Variants in PIK3C3 observed in about 807,000 individuals in gnomAD.
PIK3C3 encodes phosphatidylinositol 3-kinase catalytic subunit type 3.
Under a neutral mutation model 126.1 loss-of-function variants are expected in PIK3C3, and 95 were observed. The ratio of observed to expected loss-of-function variants is 0.75; its 90% CI spans 0.64 to 0.89. The LOEUF is 0.89. Among genes scored for constraint, PIK3C3 ranks in the 40% least tolerant of loss-of-function variants. The pLI is 0.00. For synonymous variants in PIK3C3, 374 were observed against 360.0 expected, an observed-to-expected ratio of 1.04 and a Z score of -0.44; for missense variants, 829 against 1,063.2, an observed-to-expected ratio of 0.78 and a Z score of 3.06.
chr18:41,987,914 CTTTTA>C lies in PIK3C3; in HGVS notation c.618+22_618+26del. ...GATAAATGAGGTGGGTTATATCACT[CTTTTA>C]TTTTAAAATATTTTCTGTAAATTTT... On this transcript the variant is annotated intron_variant, in intron 5 of 24. Coordinates refer to ENST00000262039, the MANE Select transcript of PIK3C3 (RefSeq NM_002647.4). 1 of 1,376,964 alleles carries C rather than the reference CTTTTA, an allele frequency of 7.3e-7. No individual in the cohort carries two copies. The highest frequency in any genetic ancestry group is 1.4e-5 in the South Asian group (1 of 73,920). 85.3% of individuals were successfully genotyped at this position (1,376,964 alleles called of 1,614,324 possible). A position where few individuals can be genotyped will look rare whatever the true frequency, so the allele number is the denominator to read the frequency against.
chr18:42,028,192 T>G (rs1359621086), intron 14 of PIK3C3, among the ~76,000 whole-genome samples: 5 of 152,246 alleles, frequency 3.3e-5, no homozygotes, highest in Non-Finnish European at 2.9e-5. Flanking sequence ...GTTTTCTTGA[T>G]CCCTAATTTA....
At chr18:42,024,440 T>A (rs1983462088) in intron 13 of PIK3C3, among the ~76,000 whole-genome samples, 2 of 148,592 alleles carry the variant, frequency 1.3e-5, no homozygotes, top group East Asian at 3.9e-4. Context: ...CTTGAATGAT[T>A]TTTTTTTTTT....
chr18:42,079,970 TG>T (rs1986182796), intron 24 of PIK3C3, among the ~76,000 whole-genome samples: 1 of 140,984 alleles, frequency 7.1e-6, no homozygotes, highest in Non-Finnish European at 1.6e-5. Context: ...TGTGTGTGTG[TG>T]TGTGTGTGTG....
chr18:42,079,642 G>A (rs548582018), intron 24 of PIK3C3, among the ~76,000 whole-genome samples: 2 of 152,084 alleles, frequency 1.3e-5, no homozygotes, highest in Non-Finnish European at 2.9e-5. Context: ...ATAAAACAAG[G>A]TATGCTGGTA....
At chr18:41,963,452 G>A (rs868033927) in intron 3 of PIK3C3, among the ~76,000 whole-genome samples, 1 of 152,070 alleles carries the variant, frequency 6.6e-6, no homozygotes, top group South Asian at 2.1e-4. Context: ...TGGTCAGTAG[G>A]AGACCCTTCA....
At chr18:42,054,857 A>C (rs939279103) in intron 21 of PIK3C3, among the ~76,000 whole-genome samples, 1 of 152,072 alleles carries the variant, frequency 6.6e-6, no homozygotes, top group Non-Finnish European at 1.5e-5. Flanking sequence ...TATTGAGCAC[A>C]TAATAAACAT....
intron 10 of PIK3C3, among the ~76,000 whole-genome samples, chr18:42,004,767 G>A (rs941692828): frequency 1.3e-5 from 2 of 152,160 alleles, no homozygotes; most frequent in African/African-American, 4.8e-5. Context: ...GATCTGTTAC[G>A]TGGTAGGACA....
At chr18:42,063,025 T>C (rs1168002311) in intron 22 of PIK3C3, among the ~76,000 whole-genome samples, 1 of 152,208 alleles carries the variant, frequency 6.6e-6, no homozygotes, top group Non-Finnish European at 1.5e-5. Flanking sequence ...TTCTCTACTT[T>C]GATTCTTACT....
At chr18:42,063,314 ACTGT>A (rs774573937) in intron 22 of PIK3C3, among the ~76,000 whole-genome samples, 3 of 152,180 alleles carry the variant, frequency 2.0e-5, no homozygotes, top group Non-Finnish European at 2.9e-5. Flanking sequence ...TCAGTTCACC[ACTGT>A]CTGTCTGTAT....
intron 15 of PIK3C3, among the ~76,000 whole-genome samples, 176 bp from the exon 16 acceptor site, chr18:42,033,650 T>C (rs543376377): frequency 2.1e-4 from 32 of 152,326 alleles, no homozygotes; most frequent in African/African-American, 7.2e-4. Flanking sequence ...GCTGCTGCTG[T>C]TGTTAGGGAT....
intron 13 of PIK3C3, chr18:42,025,658 T>A (rs1223864907): frequency 6.6e-6 from 1 of 152,216 alleles, no homozygotes; most frequent in Non-Finnish European, 1.5e-5. Flanking sequence ...TGGTTTTACA[T>A]GTGTTCAGTT....
rs551591219 is a variant in PIK3C3 at position 42,048,993 on chromosome 18, G to A, written c.2189-538G>A. On this transcript the variant is annotated intron_variant, in intron 20 of 24. Coordinates refer to ENST00000262039, the MANE Select transcript of PIK3C3 (RefSeq NM_002647.4). Reference sequence around the variant, plus strand: ...ATAACAGAATACAGCTAGAGCCAATGTCTTTGCCTTTAGCCTTGATCATGT... The same window carrying A: ...ATAACAGAATACAGCTAGAGCCAATATCTTTGCCTTTAGCCTTGATCATGT... 5.8e-4 allele frequency among the ~76,000 whole-genome samples: 88 copies of A among 152,266 alleles called. 1 individual carries two copies. Among genetic ancestry groups the A allele is most frequent in the Non-Finnish European group, 1.0e-3 (68 of 67,994 alleles).
At chr18:42,006,158 AC>A (rs1161278350) in intron 10 of PIK3C3, among the ~76,000 whole-genome samples, 1 of 151,174 alleles carries the variant, frequency 6.6e-6, no homozygotes, top group African/African-American at 2.4e-5. Flanking sequence ...GGAAAACATT[AC>A]TTACTACTAT....
intron 15 of PIK3C3, among the ~76,000 whole-genome samples, chr18:42,030,711 C>T (rs1412000464): frequency 6.6e-6 from 1 of 152,176 alleles, no homozygotes; most frequent in Non-Finnish European, 1.5e-5. Context: ...ATTTCTACTA[C>T]TGTTCCCCCT....
intron 16 of PIK3C3, among the ~76,000 whole-genome samples, chr18:42,036,844 A>G (rs1044478012): frequency 4.6e-5 from 7 of 152,170 alleles, no homozygotes; most frequent in Middle Eastern, 3.2e-3. Flanking sequence ...TCCAAAATCT[A>G]AAATGCTCCA....
intron 22 of PIK3C3, 94 bp downstream of exon 22, chr18:42,058,145 T>C: frequency 1.0e-6 from 1 of 994,140 alleles, no homozygotes; most frequent in African/African-American, 1.7e-5. Context: ...TCTTTAGCAT[T>C]GATCACTTTT....
intron 7 of PIK3C3, among the ~76,000 whole-genome samples, chr18:41,994,380 T>C (rs572483577): frequency 6.6e-6 from 1 of 152,278 alleles, no homozygotes; most frequent in South Asian, 2.1e-4. Context: ...ACACTAAGTA[T>C]GAAGAAATTC....
intron 4 of PIK3C3, among the ~76,000 whole-genome samples, chr18:41,973,639 C>T (rs536922074): frequency 6.6e-5 from 10 of 152,132 alleles, no homozygotes; most frequent in African/African-American, 2.4e-4. Context: ...CTGTCTTTCA[C>T]TCTTTTTCTG....
chr18:42,058,262 A>G (rs924249852), intron 22 of PIK3C3, among the ~76,000 whole-genome samples: 3 of 152,188 alleles, frequency 2.0e-5, no homozygotes, highest in South Asian at 2.1e-4. Flanking sequence ...CTTTCCCACT[A>G]TCTTATTACT....
Sources: allele counts gnomAD v4.1 joint callset (sites outside exome capture counted in the v4.1 genomes callset), GRCh38; gene constraint gnomAD v4.1.1; transcripts MANE v1.5; gene names NCBI Gene and HGNC (gene_info 2026-07-23, HGNC 2026-07-21).